The following STXBP4 variants were observed in gnomAD, a reference collection of about 807,000 sequenced individuals.
The protein encoded by STXBP4 is syntaxin-binding protein 4.
A neutral mutation model predicts 76.1 loss-of-function variants in STXBP4; 55 were observed. The observed-to-expected ratio is 0.72, with a 90% CI of 0.58 to 0.91. STXBP4 has a LOEUF of 0.91. STXBP4 is among the 40% of genes least tolerant of loss of function. STXBP4 has a pLI of 0.00. For missense variants in STXBP4, 618 were observed against 636.9 expected, an observed-to-expected ratio of 0.97 and a Z score of 0.32; for synonymous variants, 201 against 220.2, an observed-to-expected ratio of 0.91 and a Z score of 0.77.
intron 1 of STXBP4, among the ~76,000 whole-genome samples, chr17:54,969,977 T>C (rs914165680): frequency 1.3e-5 from 2 of 152,182 alleles, no homozygotes; most frequent in African/African-American, 4.8e-5. Flanking sequence ...GAAGCGGTAG[T>C]AAAGTAAGGA....
At chr17:55,144,485 A>C (rs984549294) in intron 17 of STXBP4, among the ~76,000 whole-genome samples, 4 of 152,214 alleles carry the variant, frequency 2.6e-5, no homozygotes, top group South Asian at 2.1e-4. Context: ...TGAGTTCTAC[A>C]GGGGATATTA....
At chr17:55,105,843 C>A (rs564898905) in intron 16 of STXBP4, among the ~76,000 whole-genome samples, 1 of 152,166 alleles carries the variant, frequency 6.6e-6, no homozygotes, top group South Asian at 2.1e-4. Context: ...GATTTACATT[C>A]TTTTGCATTT....
chr17:55,048,128 A>T lies in STXBP4; in HGVS notation c.1011+974A>T, dbSNP rs150842810. ...GAGACTTCAAGGTATGAATGCAATC[A>T]AAAATGGCAGCCTTGAAGAATCATT... On this transcript the variant is annotated intron_variant, in intron 12 of 17. Transcript: ENST00000376352. 3.6e-3 allele frequency among the ~76,000 whole-genome samples: 553 copies of T among 152,082 alleles called. 3 individuals carry two copies. Among genetic ancestry groups the T allele is most frequent in the African/African-American group, 0.013 (535 of 41,568 alleles).
intron 16 of STXBP4, among the ~76,000 whole-genome samples, chr17:55,115,371 T>A (rs904518551): frequency 6.6e-6 from 1 of 151,890 alleles, no homozygotes; most frequent in Non-Finnish European, 1.5e-5. Flanking sequence ...TGGCTTTCTG[T>A]AGATTTAGAG....
intron 8 of STXBP4, among the ~76,000 whole-genome samples, chr17:55,029,709 C>T (rs1262594535): frequency 1.3e-5 from 2 of 151,858 alleles, no homozygotes; most frequent in Admixed American, 6.6e-5. Context: ...AAATTGCTCA[C>T]TTACAGATTA....
intron 1 of STXBP4, 115 bp from the exon 2 acceptor site, chr17:54,985,499 G>C (rs145903937): frequency 4.2e-4 from 64 of 152,276 alleles, no homozygotes; most frequent in African/African-American, 1.4e-3. Flanking sequence ...TTATGAAAAG[G>C]TGGTAAATCT....
intron 12 of STXBP4, among the ~76,000 whole-genome samples, chr17:55,050,282 C>A (rs928510683): frequency 1.3e-5 from 2 of 151,606 alleles, no homozygotes; most frequent in African/African-American, 4.8e-5. Flanking sequence ...AAAGAGAAAC[C>A]AAAATTATAT....
At chr17:55,073,568 C>T (rs2079146868) in intron 13 of STXBP4, among the ~76,000 whole-genome samples, 1 of 152,026 alleles carries the variant, frequency 6.6e-6, no homozygotes, top group African/African-American at 2.4e-5. Context: ...AAAGTAGTTT[C>T]CAATAGATGA....
chr17:55,041,137 G>A lies in STXBP4; in HGVS notation c.856-2099G>A, dbSNP rs988830583. Among the ~76,000 whole-genome samples, 7 of 150,952 alleles carry A rather than the reference G, an allele frequency of 4.6e-5. No individual in the cohort carries two copies. In the East Asian group the frequency reaches 1.4e-3, roughly 29 times the overall value. On this transcript the variant is annotated intron_variant, in intron 10 of 17. Transcript: ENST00000376352. ...GCATGCTTTACCTACATGGTGTTAA[G>A]TTCAAAAGTTTATTGTCACATCCCT... is the stretch of plus-strand genomic sequence containing the variant.
intron 7 of STXBP4, among the ~76,000 whole-genome samples, chr17:55,002,960 A>G (rs1168969932): frequency 6.6e-6 from 1 of 152,232 alleles, no homozygotes; most frequent in African/African-American, 2.4e-5. Context: ...GAGCAGAAGG[A>G]AAGCTTCCAA....
intron 1 of STXBP4, among the ~76,000 whole-genome samples, chr17:54,976,473 C>G (rs1413542642): frequency 6.6e-6 from 1 of 152,210 alleles, no homozygotes; most frequent in African/African-American, 2.4e-5. Flanking sequence ...CAGATACTAT[C>G]AAGAAACTGA....
At chr17:55,059,139 A>G (rs1014390488) in intron 12 of STXBP4, among the ~76,000 whole-genome samples, 3 of 152,210 alleles carry the variant, frequency 2.0e-5, no homozygotes, top group East Asian at 3.9e-4. Context: ...ACAAATTTTT[A>G]CTAAATACAA....
chr17:55,125,479 C>CAAAAAAACAAAAAAA (rs2079899601), intron 16 of STXBP4, among the ~76,000 whole-genome samples: 1 of 91,778 alleles, frequency 1.1e-5, no homozygotes, highest in Non-Finnish European at 2.1e-5. Context: ...GGACAAAATA[C>CAAAAAAACAAAAAAA]AAAAAAAAAA....
At chr17:54,980,348 T>C (rs2144322723) in intron 1 of STXBP4, among the ~76,000 whole-genome samples, 1 of 152,228 alleles carries the variant, frequency 6.6e-6, no homozygotes, top group Non-Finnish European at 1.5e-5. Context: ...AAATAAGAAA[T>C]GTGCAGCTGT....
chr17:55,007,114 G>A (rs2078023184), intron 7 of STXBP4, among the ~76,000 whole-genome samples: 1 of 151,948 alleles, frequency 6.6e-6, no homozygotes, highest in Non-Finnish European at 1.5e-5. Flanking sequence ...GAGGCAGGCA[G>A]ATCACCTGAG....
intron 15 of STXBP4, among the ~76,000 whole-genome samples, chr17:55,079,460 C>G (rs2079229297): frequency 6.6e-6 from 1 of 151,904 alleles, no homozygotes; most frequent in African/African-American, 2.4e-5. Flanking sequence ...CTTGCAGAAA[C>G]AGGAAGACTC....
intron 8 of STXBP4, among the ~76,000 whole-genome samples, chr17:55,021,808 A>C (rs1284078181): frequency 6.6e-6 from 1 of 152,194 alleles, no homozygotes; most frequent in Non-Finnish European, 1.5e-5. Context: ...TTAGAAAAAA[A>C]TGAGGATTTC....
intron 12 of STXBP4, among the ~76,000 whole-genome samples, chr17:55,049,390 A>G (rs906419113): frequency 1.3e-5 from 2 of 152,024 alleles, no homozygotes; most frequent in African/African-American, 4.8e-5. Context: ...CATGAACATT[A>G]CATGTGTTAA....
intron 16 of STXBP4, among the ~76,000 whole-genome samples, chr17:55,122,682 A>G (rs2079859928): frequency 6.6e-6 from 1 of 152,198 alleles, no homozygotes; most frequent in Non-Finnish European, 1.5e-5. Flanking sequence ...TTGAATTTAT[A>G]AAAATTATAA....
Sources: allele counts gnomAD v4.1 joint callset (sites outside exome capture counted in the v4.1 genomes callset), GRCh38; gene constraint gnomAD v4.1.1; transcripts MANE v1.5; gene names NCBI Gene and HGNC (gene_info 2026-07-23, HGNC 2026-07-21).